The following DENND1A variants were observed in gnomAD, a reference collection of about 807,000 sequenced individuals.
The protein encoded by DENND1A is DENN domain containing 1A, also known as DENN domain-containing protein 1A.
A neutral mutation model predicts 113.7 loss-of-function variants in DENND1A; 51 were observed. That is an observed-to-expected ratio of 0.45 (90% CI 0.36 to 0.57). DENND1A has a LOEUF of 0.57. Ranked by LOEUF, DENND1A falls within the 20% of genes least tolerant of loss-of-function variation. The probability of loss-of-function intolerance (pLI) is 0.00; values close to 1 mark genes in which losing one functional copy is unlikely to be tolerated. For missense variants in DENND1A, 1,258 were observed against 1,395.9 expected (o/e 0.90, Z 1.57); for synonymous variants, 565 against 570.8 (o/e 0.99, Z 0.14).
In DENND1A at chr9:123,536,217, C is replaced by T. The variant is rs537395227; in HGVS notation, c.993+21353G>A. ...ATTGGACAGGCATAGTAGCTCACAT[C>T]CCGGCACTTTGGGAGGCCGAGGCAG... On this transcript the variant is annotated intron_variant, in intron 13 of 23. Coordinates refer to ENST00000394215, the MANE Select transcript of DENND1A (RefSeq NM_001352964.2). 3.2e-3 allele frequency among the ~76,000 whole-genome samples: 482 copies of T among 152,268 alleles called. 3 individuals carry two copies. The highest frequency in any genetic ancestry group is 5.2e-3 in the Non-Finnish European group (354 of 68,024).
intron 5 of DENND1A, among the ~76,000 whole-genome samples, chr9:123,744,740 C>T (rs919160549): frequency 6.6e-6 from 1 of 151,074 alleles, no homozygotes; most frequent in East Asian, 1.9e-4. Context: ...TCCACGACCA[C>T]CTTACCAATA....
At chr9:123,674,342 T>TCTCTCTCA (rs36033303) in intron 6 of DENND1A, among the ~76,000 whole-genome samples, 19 of 132,372 alleles carry the variant, frequency 1.4e-4, no homozygotes, top group South Asian at 5.1e-4. Context: ...TGTCTCTCTC[T>TCTCTCTCA]CACACACACA....
At chr9:123,760,330 A>C (rs1274206965) in intron 4 of DENND1A, among the ~76,000 whole-genome samples, 1 of 152,226 alleles carries the variant, frequency 6.6e-6, no homozygotes, top group Non-Finnish European at 1.5e-5. Flanking sequence ...AAATAATTAA[A>C]ATTAAAGGAA....
chr9:123,503,863 T>C (rs1292546098), intron 13 of DENND1A, among the ~76,000 whole-genome samples: 2 of 152,206 alleles, frequency 1.3e-5, no homozygotes, highest in African/African-American at 4.8e-5. Flanking sequence ...TTAAGCCAAG[T>C]TCAGTCTGGG....
chr9:123,793,440 T>A (rs1833309293), intron 2 of DENND1A, among the ~76,000 whole-genome samples: 1 of 152,200 alleles, frequency 6.6e-6, no homozygotes, highest in African/African-American at 2.4e-5. Flanking sequence ...TAGGAAAACA[T>A]TCAATCATTT....
At chr9:123,611,919 T>C (rs1475787877) in intron 10 of DENND1A, among the ~76,000 whole-genome samples, 1 of 152,214 alleles carries the variant, frequency 6.6e-6, no homozygotes, top group Non-Finnish European at 1.5e-5. Flanking sequence ...ATGGAACTCA[T>C]TCTTCAAGTA....
intron 8 of DENND1A, among the ~76,000 whole-genome samples, chr9:123,663,980 C>T (rs1011224034): frequency 1.3e-5 from 2 of 152,210 alleles, no homozygotes; most frequent in African/African-American, 4.8e-5. Flanking sequence ...AGTTAGCCAT[C>T]TACCTCTGTG....
chr9:123,577,733 A>C (rs935780859), intron 12 of DENND1A, among the ~76,000 whole-genome samples: 1 of 152,208 alleles, frequency 6.6e-6, no homozygotes, highest in Admixed American at 6.5e-5. Context: ...AAAAATGCAC[A>C]CACCATTGGT....
intron 13 of DENND1A, among the ~76,000 whole-genome samples, chr9:123,501,985 A>G (rs995656470): frequency 6.6e-6 from 1 of 152,084 alleles, no homozygotes; most frequent in Non-Finnish European, 1.5e-5. Context: ...TCCCCTTTAT[A>G]TATATATATC....
intron 2 of DENND1A, among the ~76,000 whole-genome samples, chr9:123,811,720 C>A (rs2085774214): frequency 6.6e-6 from 1 of 152,206 alleles, no homozygotes; most frequent in Non-Finnish European, 1.5e-5. Flanking sequence ...GATCGCACCA[C>A]TGCATTCCAG....
chr9:123,725,433 AC>A (rs1206373375), intron 5 of DENND1A, among the ~76,000 whole-genome samples: 2 of 152,244 alleles, frequency 1.3e-5, no homozygotes, highest in Non-Finnish European at 2.9e-5. Context: ...TGATTTGGAA[AC>A]ATTTCAGCAT....
Position 123,432,760 on chromosome 9 carries a change from C to T in DENND1A, c.1488+7600G>A, listed in dbSNP as rs530067240. ...GACCGCAATGCCCACCACTAGGTAC[C>T]TTCTGCCCCAACCTGCCCCATAGCC... is the stretch of plus-strand genomic sequence containing the variant. On this transcript the variant is annotated intron_variant, in intron 19 of 23. Transcript: ENST00000394215. Among the ~76,000 whole-genome samples the T allele has an allele frequency of 3.9e-5, 6 of 152,336 alleles. No homozygotes were observed. The East Asian group carries it at 9.6e-4, about 24-fold the overall frequency.
chr9:123,721,481 T>C (rs1320622204), intron 5 of DENND1A, among the ~76,000 whole-genome samples: 1 of 152,196 alleles, frequency 6.6e-6, no homozygotes, highest in South Asian at 2.1e-4. Flanking sequence ...TCAGGTTTCA[T>C]CCCATTTCCC....
At chr9:123,544,144 CCAA>C (rs2056486474) in intron 13 of DENND1A, among the ~76,000 whole-genome samples, 1 of 152,114 alleles carries the variant, frequency 6.6e-6, no homozygotes, top group Non-Finnish European at 1.5e-5. Flanking sequence ...TGAAAAACAA[CCAA>C]CAAGAAATAT....
intron 19 of DENND1A, among the ~76,000 whole-genome samples, chr9:123,417,070 G>A (rs2044789889): frequency 1.3e-5 from 2 of 152,364 alleles, no homozygotes; most frequent in Non-Finnish European, 2.9e-5. Flanking sequence ...ACTTAGGCGA[G>A]TTATTTAATC....
chr9:123,659,021 C>T (rs2063104134), intron 8 of DENND1A, among the ~76,000 whole-genome samples: 1 of 152,158 alleles, frequency 6.6e-6, no homozygotes, highest in Non-Finnish European at 1.5e-5. Context: ...GGCTTCATTT[C>T]CTCTCCAGAA....
At chr9:123,429,504 G>A (rs571249430) in intron 19 of DENND1A, among the ~76,000 whole-genome samples, 80 of 152,228 alleles carry the variant, frequency 5.3e-4, no homozygotes, top group African/African-American at 1.8e-3. Context: ...GCAGTGAGCC[G>A]AGATTGCATC....
intron 10 of DENND1A, among the ~76,000 whole-genome samples, chr9:123,619,118 T>C (rs1160488107): frequency 6.6e-6 from 1 of 152,124 alleles, no homozygotes; most frequent in Non-Finnish European, 1.5e-5. Context: ...AGCTAATTTT[T>C]GCATTTTTAG....
In DENND1A at chr9:123,681,565, G is replaced by A. The variant is rs1294675208; in HGVS notation, c.303-4776C>T. Among the ~76,000 whole-genome samples, 4 of 152,210 alleles carry A rather than the reference G, an allele frequency of 2.6e-5. No individual in the cohort carries two copies. In the East Asian group the frequency reaches 7.7e-4, roughly 29 times the overall value. On this transcript the variant is annotated intron_variant, in intron 5 of 23. Coordinates refer to ENST00000394215, the MANE Select transcript of DENND1A (RefSeq NM_001352964.2). ...GCTGGTAAATATATAATGGGAACCA[G>A]GTATCTTACTATCAGAAGAGAGTTA...
Sources: allele counts gnomAD v4.1 joint callset (sites outside exome capture counted in the v4.1 genomes callset), GRCh38; gene constraint gnomAD v4.1.1; transcripts MANE v1.5; gene names NCBI Gene and HGNC (gene_info 2026-07-23, HGNC 2026-07-21).